The following ACTN1 variants were observed in gnomAD, a reference collection of about 807,000 sequenced individuals.
ACTN1 encodes the protein alpha-actinin-1.
Under a neutral mutation model 119.6 loss-of-function variants are expected in ACTN1, and 30 were observed. The observed-to-expected ratio is 0.25, with a 90% CI of 0.19 to 0.34. ACTN1 has a LOEUF of 0.34. ACTN1 is among the 10% of genes least tolerant of loss of function. The probability of loss-of-function intolerance (pLI) is 1.00; values close to 1 mark genes in which losing one functional copy is unlikely to be tolerated. For missense variants in ACTN1, 764 were observed against 1,223.4 expected, an observed-to-expected ratio of 0.62 and a Z score of 5.60; for synonymous variants, 429 against 472.6, an observed-to-expected ratio of 0.91 and a Z score of 1.20.
intron 14 of ACTN1, chr14:68,883,291 T>C (rs1023320734): frequency 1.4e-4 from 73 of 518,412 alleles, no homozygotes; most frequent in Non-Finnish European, 2.1e-4. Context: ...CTCTCTGGTG[T>C]GTTCACCACC....
Position 68,893,659 on chromosome 14 carries a change from C to T in ACTN1, c.851G>A (p.Ser284Asn), listed in dbSNP as rs2032667973. The T allele has an allele frequency of 6.2e-7, 1 of 1,614,060 alleles. No homozygotes were observed. The highest frequency in any genetic ancestry group is 1.3e-5 in the African/African-American group (1 of 75,060). ...GGTGAACCCGGGGGTACCCACATCA[C>T]TGGCCAGCTTCTCGTAGTCTTCCAT... is the stretch of plus-strand genomic sequence containing the variant. ...QLMEDYEKLA[S>N]DLLEWIRRTI... is the part of the protein sequence containing the mutation. Residue 284 changes from serine (S) to asparagine (N), a missense_variant, in exon 9 of 22, where the codon AGT becomes AAT. Coordinates refer to ENST00000394419, the MANE Select transcript of ACTN1 (RefSeq NM_001130004.2).
At chr14:68,888,134 T>C in intron 11 of ACTN1, 1 of 573,558 alleles carries the variant, frequency 1.7e-6, no homozygotes, top group Non-Finnish European at 3.2e-6. Context: ...CGCGGCATGC[T>C]GACAGCCTTT....
chr14:68,944,475 G>C (rs1415129660), intron 1 of ACTN1, among the ~76,000 whole-genome samples: 1 of 152,200 alleles, frequency 6.6e-6, no homozygotes, highest in African/African-American at 2.4e-5. Flanking sequence ...CTGTATCAGG[G>C]ACTAGGGTTA....
rs1160608501 is a variant in ACTN1 at position 68,874,139 on chromosome 14, T to G, written c.*720A>C. 1 of 152,240 alleles carries G rather than the reference T, an allele frequency of 6.6e-6. No individual in the cohort carries two copies. The allele number at this position is 152,240 out of a possible 1,614,324, so 9.4% of individuals were successfully genotyped here. On this transcript the variant is annotated 3_prime_UTR_variant, in exon 22 of 22. Transcript: ENST00000394419. ...GCAAAGAGCTGTCATAGGAGTGTGG[T>G]TTTTTTAATACCATCTGTGCCAAGC...
Position 68,878,468 on chromosome 14 carries a change from C to T in ACTN1, c.2417G>A (p.Gly806Asp). Residue 806 changes from glycine to aspartate, a missense_variant, in exon 20 of 22, where the codon GGT becomes GAT. Gly to Asp is a moderately conservative substitution (Grantham distance 94). Around this residue, in one of 4 missense-constraint regions of ACTN1, gnomAD observed 544 missense variants for 912.0 expected, o/e 0.60. Coordinates refer to ENST00000394419, the MANE Select transcript of ACTN1 (RefSeq NM_001130004.2). This position sits in a 1 kb window ranked among gnomAD's most constrained non-coding sequence, Gnocchi z 4.4. Reference protein sequence around the residue: ...DDFRACLISMGYNMGEAEFAR... With the variant: ...DDFRACLISMDYNMGEAEFAR... ...TGGGGTTTACGTTACCATGTTGTAACCCATGGAGATCAGGCAGGCGCGGAA... is the reference window on the plus strand; with the variant it reads ...TGGGGTTTACGTTACCATGTTGTAATCCATGGAGATCAGGCAGGCGCGGAA... The T allele has an allele frequency of 6.4e-7, 1 of 1,565,418 alleles. No individual in the cohort carries two copies. Among genetic ancestry groups the T allele is most frequent in the Admixed American group, 1.8e-5 (1 of 56,124 alleles).
At position 68,899,054 on chromosome 14, in the gene ACTN1, CCACACACACCTCACACACCA is replaced by C. The variant is rs376030396; in HGVS notation, c.762+3403_762+3422del. On this transcript the variant is annotated intron_variant, in intron 8 of 21. Transcript: ENST00000394419. Reference sequence around the variant, plus strand: ...ACACACACACATGCCACACCTCACACCACACACACCTCACACACCACACACACACCTCACACCCACAGCAC... The same window carrying C: ...ACACACACACATGCCACACCTCACACCACACACACCTCACACCCACAGCAC... Among the ~76,000 whole-genome samples the C allele has an allele frequency of 3.5e-3, 498 of 142,714 alleles. 7 individuals carry two copies. The highest frequency in any genetic ancestry group is 0.013 in the African/African-American group (479 of 37,370). The allele number at this position is 142,714 out of a possible 152,430, so 93.6% of individuals were successfully genotyped here.
rs1594896043 is a variant in ACTN1, at chr14:68,979,283, A to G, written c.-227T>C. On this transcript the variant is annotated 5_prime_UTR_variant, in exon 1 of 22. Coordinates refer to ENST00000394419, the MANE Select transcript of ACTN1 (RefSeq NM_001130004.2). ...TGCCTGCCTCTGGGCGGGCGCTTGG[A>G]CCTAATCTCCACGCACACTGAACTA... is the stretch of plus-strand genomic sequence containing the variant. The G allele has an allele frequency of 6.4e-6, 2 of 313,462 alleles. No homozygotes were observed. The allele number at this position is 313,462 out of a possible 1,614,324, so 19.4% of individuals were successfully genotyped here. A position where few individuals can be genotyped will look rare whatever the true frequency, so the allele number is the denominator to read the frequency against.
At position 68,881,936 on chromosome 14, in the gene ACTN1, C is replaced by CTTTTTTTTTTTTTTTTTT. The variant is rs781067137; in HGVS notation, c.1953+504_1953+521dup. Reference sequence around the variant, plus strand: ...AGTATGGGACTTTCATAGGCAGCTTCTTTTTTTTTTTTTTTTTTTGACAGA... The same window carrying CTTTTTTTTTTTTTTTTTT: ...AGTATGGGACTTTCATAGGCAGCTTCTTTTTTTTTTTTTTTTTTTTTTTTTTTTTTTTTTTTTGACAGA... On this transcript the variant is annotated intron_variant, in intron 16 of 21. Transcript: ENST00000394419. Among the ~76,000 whole-genome samples, 40 of 58,384 alleles carry CTTTTTTTTTTTTTTTTTT rather than the reference C, an allele frequency of 6.9e-4. 1 individual carries two copies. Among genetic ancestry groups the CTTTTTTTTTTTTTTTTTT allele is most frequent in the African/African-American group, 8.4e-4 (8 of 9,526 alleles). The allele number at this position is 58,384 out of a possible 152,430, so 38.3% of individuals were successfully genotyped here.
rs12895271 is a variant in ACTN1 at position 68,926,613 on chromosome 14, A to G, written c.106-941T>C. Among the ~76,000 whole-genome samples, 580 of 152,306 alleles carry G rather than the reference A, an allele frequency of 3.8e-3. 3 individuals carry two copies. Among genetic ancestry groups the G allele is most frequent in the Non-Finnish European group, 6.8e-3 (460 of 68,018 alleles). ...TGCACCAAATGGCACTACCAATTAC[A>G]TGGGGCTCACCCAACACCAGAGCCA... On this transcript the variant is annotated intron_variant, in intron 1 of 21. Coordinates refer to ENST00000394419, the MANE Select transcript of ACTN1 (RefSeq NM_001130004.2).
intron 1 of ACTN1, among the ~76,000 whole-genome samples, chr14:68,939,693 T>C (rs2035699711): frequency 6.6e-6 from 1 of 152,184 alleles, no homozygotes; most frequent in South Asian, 2.1e-4. Flanking sequence ...GATAAAAATG[T>C]TCAAAACTGA....
chr14:68,968,164 AAG>A (rs1268249109), intron 1 of ACTN1, among the ~76,000 whole-genome samples: 1 of 152,198 alleles, frequency 6.6e-6, no homozygotes, highest in African/African-American at 2.4e-5. Context: ...TGTGGGTGGA[AAG>A]AGAGTAAGAT....
chr14:68,936,873 C>A, intron 1 of ACTN1: 1 of 579,024 alleles, frequency 1.7e-6, no homozygotes, highest in Admixed American at 1.9e-5. Context: ...GTGATGCTCT[C>A]TGGGAAGCCC....
chr14:68,906,161 C>T lies in ACTN1; in HGVS notation c.595-1425G>A, dbSNP rs528474036. ...GAGTTCTGAAGATGGATGGTAGGAA[C>T]AGTTGTACAATAATGTGAGTGTACG... On this transcript the variant is annotated intron_variant, in intron 6 of 21. Transcript: ENST00000394419. 2.6e-5 allele frequency among the ~76,000 whole-genome samples: 4 copies of T among 152,138 alleles called. No homozygotes were observed. In the East Asian group the frequency reaches 5.8e-4, roughly 22 times the overall value.
At chr14:68,916,989 A>G (rs2034335742) in intron 3 of ACTN1, among the ~76,000 whole-genome samples, 1 of 151,932 alleles carries the variant, frequency 6.6e-6, no homozygotes, top group Admixed American at 6.6e-5. Flanking sequence ...CGCCCCCTCC[A>G]TCCTAAAGAT....
At chr14:68,929,731 AC>A (rs796930648) in intron 1 of ACTN1, among the ~76,000 whole-genome samples, 11 of 152,086 alleles carry the variant, frequency 7.2e-5, no homozygotes, top group African/African-American at 2.7e-4. Context: ...TCTGCACTCC[AC>A]CTGCCCCGGC....
Position 68,880,913 on chromosome 14 carries a change from C to T in ACTN1, c.2030G>A (p.Ser677Asn), listed in dbSNP as rs766768729. 77 of 1,613,982 alleles carry T rather than the reference C, an allele frequency of 4.8e-5. No individual in the cohort carries two copies. The highest frequency in any genetic ancestry group is 6.2e-5 in the Non-Finnish European group (73 of 1,180,002). ...AATCTTTGGCTTGTAGTTGACGATG[C>T]TCTTCTCATACTGCCGCAGGTGGCT... ...QLSHLRQYEK[S>N]IVNYKPKIDQ... Residue 677 changes from serine (S) to asparagine (N), a missense_variant, in exon 17 of 22, where the codon AGC becomes AAC. This residue lies in a region of ACTN1 where 544 missense variants were observed against 912.0 expected (regional missense o/e 0.60). Transcript: ENST00000394419. The surrounding 1 kb of genome is among the most constrained non-coding windows in gnomAD (Gnocchi z 4.6).
chr14:68,901,255 T>TG (rs2033310580), intron 8 of ACTN1, among the ~76,000 whole-genome samples: 2 of 145,440 alleles, frequency 1.4e-5, no homozygotes, highest in South Asian at 4.4e-4. Context: ...TTTTGTTTTT[T>TG]TTTTTTTTTT....
intron 2 of ACTN1, among the ~76,000 whole-genome samples, chr14:68,923,995 A>G (rs556041889): frequency 2.0e-5 from 3 of 152,386 alleles, no homozygotes; most frequent in East Asian, 3.9e-4. Context: ...AAGACACAGT[A>G]AGTGAAATAA....
intron 1 of ACTN1, chr14:68,936,513 T>TC: frequency 3.3e-6 from 1 of 305,882 alleles, no homozygotes; most frequent in Non-Finnish European, 6.3e-6. Flanking sequence ...TTTTTTTTTT[T>TC]TAAGTATGCA....
Sources: allele counts gnomAD v4.1 joint callset (sites outside exome capture counted in the v4.1 genomes callset), GRCh38; gene constraint gnomAD v4.1.1; regional missense constraint gnomAD v4.1.1; non-coding constraint Gnocchi (gnomAD v3.1); transcripts MANE v1.5; gene names NCBI Gene and HGNC (gene_info 2026-07-23, HGNC 2026-07-21).